Variants in VPS13B observed in about 807,000 individuals in gnomAD.
VPS13B encodes the protein vacuolar protein sorting 13 homolog B, also known as intermembrane lipid transfer protein VPS13B.
A neutral mutation model predicts 426.4 loss-of-function variants in VPS13B; 285 were observed. The ratio of observed to expected loss-of-function variants is 0.67; its 90% CI spans 0.61 to 0.74. The LOEUF (loss-of-function observed/expected upper bound fraction) is 0.74, where lower values mean the gene tolerates loss of function less well. Ranked by LOEUF, VPS13B falls within the 30% of genes least tolerant of loss-of-function variation. VPS13B has a pLI of 0.00. For synonymous variants in VPS13B, 1,676 were observed against 1,676.4 expected, an observed-to-expected ratio of 1.00 and a Z score of 0.01; for missense variants, 4,537 against 4,782.6, an observed-to-expected ratio of 0.95 and a Z score of 1.51.
chr8:99,083,086 A>G (rs1845575220), intron 3 of VPS13B, among the ~76,000 whole-genome samples: 1 of 152,056 alleles, frequency 6.6e-6, no homozygotes, highest in Admixed American at 6.6e-5. Flanking sequence ...GATTCTTCCT[A>G]CCCATGAGCA....
intron 43 of VPS13B, among the ~76,000 whole-genome samples, chr8:99,808,614 T>C (rs1319055490): frequency 1.3e-5 from 2 of 152,084 alleles, no homozygotes; most frequent in African/African-American, 2.4e-5. Context: ...ATTATTATTA[T>C]TTTTTGGAAT....
intron 3 of VPS13B, among the ~76,000 whole-genome samples, chr8:99,071,731 C>G (rs1844861088): frequency 6.6e-6 from 1 of 152,166 alleles, no homozygotes; most frequent in Non-Finnish European, 1.5e-5. Flanking sequence ...GTCTGGGAAT[C>G]TTAGAAATCT....
At chr8:99,020,352 G>A (rs1413431929) in intron 2 of VPS13B, among the ~76,000 whole-genome samples, 1 of 152,032 alleles carries the variant, frequency 6.6e-6, no homozygotes, top group African/African-American at 2.4e-5. Context: ...TTGTTGTTGA[G>A]TTATAGGAGT....
intron 51 of VPS13B, among the ~76,000 whole-genome samples, chr8:99,826,422 T>C (rs1814686681): frequency 6.6e-6 from 1 of 152,258 alleles, no homozygotes; most frequent in Non-Finnish European, 1.5e-5. Flanking sequence ...ATTGATTTTG[T>C]ATCCTGAGAC....
rs374360283 is a variant in VPS13B, at chr8:99,026,803, T to G, written c.148-11620T>G. Among the ~76,000 whole-genome samples, 18 of 152,308 alleles carry G rather than the reference T, an allele frequency of 1.2e-4. No homozygotes were observed. In the South Asian group the frequency reaches 3.7e-3, roughly 32 times the overall value. On this transcript the variant is annotated intron_variant, in intron 2 of 61. Transcript: ENST00000357162. Reference sequence around the variant, plus strand: ...GGTGGAACTTTTTTCATTTTTTCATTTTAAGTTTATGTGTATGTTTACAGA... The same window carrying G: ...GGTGGAACTTTTTTCATTTTTTCATGTTAAGTTTATGTGTATGTTTACAGA...
intron 6 of VPS13B, among the ~76,000 whole-genome samples, chr8:99,113,278 T>C (rs1847469414): frequency 6.6e-6 from 1 of 152,126 alleles, no homozygotes; most frequent in Non-Finnish European, 1.5e-5. Flanking sequence ...TTAAATTGTT[T>C]TTTTGTAGAG....
intron 40 of VPS13B, among the ~76,000 whole-genome samples, chr8:99,776,442 C>T (rs1326396263): frequency 2.0e-5 from 3 of 152,126 alleles, no homozygotes; most frequent in Non-Finnish European, 4.4e-5. Flanking sequence ...GCTGAGACTG[C>T]AGGTGCATGC....
At chr8:99,182,755 G>A (rs1437249362) in intron 16 of VPS13B, among the ~76,000 whole-genome samples, 1 of 152,140 alleles carries the variant, frequency 6.6e-6, no homozygotes, top group Non-Finnish European at 1.5e-5. Flanking sequence ...TTTCTTCTTT[G>A]AGACGGAGTC....
rs184326474 is a variant in VPS13B, at chr8:99,653,423, T to A, written c.5909-7931T>A. ...CTTTGCTTAGAGCAGAAAAGAGGTT[T>A]ACAGTTGGGATTAAGTTGATCTTCC... On this transcript the variant is annotated intron_variant, in intron 34 of 61. Coordinates refer to ENST00000357162, the MANE Select transcript of VPS13B (RefSeq NM_152564.5). Among the ~76,000 whole-genome samples the A allele has an allele frequency of 6.2e-3, 949 of 152,058 alleles. 8 individuals carry two copies. Among genetic ancestry groups the A allele is most frequent in the African/African-American group, 0.021 (891 of 41,500 alleles).
At chr8:99,691,760 G>C (rs1418198642) in intron 35 of VPS13B, among the ~76,000 whole-genome samples, 1 of 146,616 alleles carries the variant, frequency 6.8e-6, no homozygotes, top group Non-Finnish European at 1.5e-5. Flanking sequence ...GTTGGATAAA[G>C]AGTCAAGACC....
intron 6 of VPS13B, among the ~76,000 whole-genome samples, chr8:99,113,462 T>C (rs975639952): frequency 6.6e-6 from 1 of 152,210 alleles, no homozygotes; most frequent in African/African-American, 2.4e-5. Context: ...AGACCCATCA[T>C]TCTTCCAAGT....
intron 31 of VPS13B, among the ~76,000 whole-genome samples, chr8:99,574,468 A>G (rs549715826): frequency 6.6e-6 from 1 of 152,272 alleles, no homozygotes; most frequent in African/African-American, 2.4e-5. Context: ...ATTTTGAGAA[A>G]TGTCCCATCA....
chr8:99,536,191 C>T (rs1823211517), intron 30 of VPS13B, among the ~76,000 whole-genome samples: 1 of 152,052 alleles, frequency 6.6e-6, no homozygotes, highest in Non-Finnish European at 1.5e-5. Flanking sequence ...TCAGGTGAGC[C>T]GCCTGCCTTG....
At chr8:99,204,592 A>G (rs564362340) in intron 17 of VPS13B, among the ~76,000 whole-genome samples, 1 of 152,208 alleles carries the variant, frequency 6.6e-6, no homozygotes, top group Admixed American at 6.5e-5. Flanking sequence ...ATGGGAGAAA[A>G]TTTTTGTAAT....
intron 25 of VPS13B, among the ~76,000 whole-genome samples, chr8:99,488,129 C>G (rs1174896768): frequency 1.3e-5 from 2 of 152,092 alleles, no homozygotes; most frequent in African/African-American, 4.8e-5. Context: ...TTTAAAGATA[C>G]TTTATTCGGT....
rs529003248 is a variant in VPS13B at position 99,302,254 on chromosome 8, A to G, written c.2824+27000A>G. ...ATGAACACTTTAGTATTTTGATGCT[A>G]AATACCAGTGATAACTATAAATATT... On this transcript the variant is annotated intron_variant, in intron 19 of 61. Transcript: ENST00000357162. 8.5e-5 allele frequency among the ~76,000 whole-genome samples: 13 copies of G among 152,336 alleles called. No individual in the cohort carries two copies. The South Asian group carries it at 2.7e-3, about 32-fold the overall frequency.
chr8:99,545,861 T>C (rs971530517), intron 30 of VPS13B, among the ~76,000 whole-genome samples: 6 of 152,090 alleles, frequency 3.9e-5, no homozygotes. Context: ...GGCATTGTGC[T>C]ACTGTCAGGA....
intron 31 of VPS13B, among the ~76,000 whole-genome samples, chr8:99,558,661 T>C (rs887132085): frequency 2.0e-5 from 3 of 152,168 alleles, no homozygotes; most frequent in Non-Finnish European, 4.4e-5. Context: ...CATGCGGTGT[T>C]TGGTTTTCTG....
chr8:99,573,809 T>G (rs1285374769), intron 31 of VPS13B, among the ~76,000 whole-genome samples: 1 of 152,186 alleles, frequency 6.6e-6, no homozygotes, highest in African/African-American at 2.4e-5. Flanking sequence ...ATATGAACTT[T>G]AAAGTAGTTT....
Sources: gnomAD v4.1 joint callset for allele counts (sites outside exome capture counted in the v4.1 genomes callset) on GRCh38, gnomAD v4.1.1 for gene constraint, MANE v1.5 for transcripts, NCBI Gene and HGNC (gene_info 2026-07-23, HGNC 2026-07-21) for gene names.